The following PSG7 variants were observed in gnomAD, a reference collection of about 807,000 sequenced individuals.
PSG7 encodes the protein pregnancy specific beta-1-glycoprotein 7, also known as pregnancy-specific beta-1-glycoprotein 7.
In PSG7, 57 loss-of-function variants were observed where a neutral mutation model predicts 45.6. The ratio of observed to expected loss-of-function variants is 1.25; its 90% CI spans 1.01 to 1.56. PSG7 has a LOEUF of 1.56. PSG7 is among the 40% of genes most tolerant of loss of function. PSG7 has a pLI of 0.00. For synonymous variants in PSG7, 298 were observed against 194.4 expected (o/e 1.53, Z -4.43); for missense variants, 796 against 508.4 (o/e 1.57, Z -5.44).
chr19:42,928,380 T>G (rs7258821), intron 3 of PSG7, among the ~76,000 whole-genome samples: 24,156 of 151,448 alleles, frequency 0.16, 2,493 homozygotes, highest in African/African-American at 0.2. Flanking sequence ...GCGTAGTATT[T>G]TCTTTCTAAC....
In PSG7 at chr19:42,937,069, G is replaced by A. The variant is rs776879332; in HGVS notation, c.8C>T (p.Pro3Leu). The A allele has an allele frequency of 2.5e-6, 4 of 1,611,246 alleles. No individual in the cohort carries two copies. Among genetic ancestry groups the A allele is most frequent in the South Asian group, 1.1e-5 (1 of 90,768 alleles). Residue 3 changes from proline to leucine, a missense_variant, in exon 1 of 6, where the codon CCC becomes CTC. By Grantham distance (98) the Pro-to-Leu change is moderately conservative. Coordinates refer to ENST00000406070, the MANE Select transcript of PSG7 (RefSeq NM_002783.3). MG[P>L]LSAPPCTQHI... Reference sequence around the variant, plus strand: ...CTGTGTGCAGGGAGGGGCTGAGAGGGGCCCCATGGTCTCTGCTCCCTGCGT... The same window carrying A: ...CTGTGTGCAGGGAGGGGCTGAGAGGAGCCCCATGGTCTCTGCTCCCTGCGT...
intron 2 of PSG7, among the ~76,000 whole-genome samples, chr19:42,933,307 A>ATATATATATTTTTTTTTT (rs56691588): frequency 7.4e-5 from 1 of 13,502 alleles, no homozygotes; most frequent in African/African-American, 1.7e-4. Flanking sequence ...ATATATATAT[A>ATATATATATTTTTTTTTT]TTTTTTTTTT....
intron 2 of PSG7, among the ~76,000 whole-genome samples, chr19:42,930,081 C>G (rs777764082): frequency 2.6e-5 from 4 of 151,672 alleles, no homozygotes; most frequent in African/African-American, 4.8e-5. Flanking sequence ...GTGCTGGAAT[C>G]TTCTTAGTTT....
rs757114294 is a variant in PSG7 at position 42,926,442 on chromosome 19, G to A, written c.984C>T (p.Val328=). Residue 328 remains valine, a synonymous_variant, in exon 4 of 6, where the codon GTC becomes GTT. Coordinates refer to ENST00000406070, the MANE Select transcript of PSG7 (RefSeq NM_002783.3). The stretch of plus-strand genomic sequence containing the variant: ...AGGATACTCAAGGATACTCACAGAG[G>A]ACATTCAGGGTGACTGGGTCACTGC... ...GIRSDPVTLN[V]LYGPDLPRIY... 32 of 1,611,498 alleles carry A rather than the reference G, an allele frequency of 2.0e-5. 1 individual carries two copies. Among genetic ancestry groups the A allele is most frequent in the South Asian group, 4.4e-5 (4 of 90,594 alleles).
rs553151319 is a variant in PSG7, at chr19:42,925,581, T to C, written c.1243+192A>G. The C allele has an allele frequency of 4.4e-6, 6 of 1,365,704 alleles. No individual in the cohort carries two copies. In the East Asian group the frequency reaches 9.5e-5, roughly 22 times the overall value. 84.6% of individuals were successfully genotyped at this position (1,365,704 alleles called of 1,614,324 possible). The stretch of plus-strand genomic sequence containing the variant: ...TGCTTGGTCTAGGCTGGGAATGTTA[T>C]GAAGATATCAGCCTGTTTGTTAAAG... On this transcript the variant is annotated intron_variant, in intron 5 of 5. Coordinates refer to ENST00000406070, the MANE Select transcript of PSG7 (RefSeq NM_002783.3).
chr19:42,936,058 G>A (rs982131323), intron 1 of PSG7: 1 of 464,314 alleles, frequency 2.2e-6, no homozygotes, highest in East Asian at 4.6e-5. Context: ...TCTTCCCCAG[G>A]GGTCCGCACG....
intron 2 of PSG7, 144 bp from the exon 3 acceptor site, chr19:42,929,864 G>A (rs1972982365): frequency 7.6e-7 from 1 of 1,318,558 alleles, no homozygotes; most frequent in Non-Finnish European, 1.0e-6. Flanking sequence ...TTACAAGACA[G>A]ATGCATGGCA....
intron 3 of PSG7, among the ~76,000 whole-genome samples, chr19:42,928,660 C>G (rs1301184484): frequency 2.0e-5 from 3 of 151,300 alleles, no homozygotes; most frequent in African/African-American, 7.3e-5. Context: ...GGTTTTGGAG[C>G]AGAAATATAT....
In PSG7 at chr19:42,928,866, T is replaced by C. The variant is rs764645208; in HGVS notation, c.709+576A>G. 2.0e-5 allele frequency among the ~76,000 whole-genome samples: 3 copies of C among 151,508 alleles called. 1 individual carries two copies. The highest frequency in any genetic ancestry group is 1.3e-4 in the Admixed American group (2 of 15,166). On this transcript the variant is annotated intron_variant, in intron 3 of 5. Transcript: ENST00000406070. ...TGGATGAAAGAGACATAGACCCCTC[T>C]ATATGTTTTAGTGAATTGGGGTATA...
rs1600561524 is a variant in PSG7 at position 42,926,007 on chromosome 19, T to A, written c.1009A>T (p.Ile337Phe). ...TGGTAATAGGTGAATGAAGGGTAAA[T>A]TCTGGGGAGGTCTGGACCATCTGGA... ...NVLYGPDLPR[I>F]YPSFTYYHSG... The change falls in exon 5 of 6, where the codon ATT becomes TTT. Residue 337 changes from isoleucine (I) to phenylalanine (F), a missense_variant. By Grantham distance (21) the Ile-to-Phe change is conservative. Transcript: ENST00000406070. 3.1e-6 allele frequency: 5 copies of A among 1,611,972 alleles called. No homozygotes were observed. The East Asian group carries it at 1.1e-4, about 36-fold the overall frequency.
rs1389953160 is a variant in PSG7 at position 42,935,676 on chromosome 19, A to G, written c.158T>C (p.Leu53Pro). The G allele has an allele frequency of 6.2e-7, 1 of 1,612,190 alleles. No individual in the cohort carries two copies. Among genetic ancestry groups the G allele is most frequent in the Admixed American group, 1.7e-5 (1 of 59,820 alleles). Residue 53 changes from leucine (L) to proline (P), a missense_variant, in exon 2 of 6, where the codon CTA becomes CCA. Physicochemically the swap from Leu to Pro is moderately conservative, Grantham distance 98 (BLOSUM62 -3). Transcript: ENST00000406070. The part of the protein sequence containing the change: ...PKVSEGKDVL[L>P]LVHNLPQNLT... The stretch of plus-strand genomic sequence containing the variant: ...ATTCTGGGGCAAATTGTGGACAAGT[A>G]GAAGAACATCCTTCCCCTCGGAAAC...
In PSG7 at chr19:42,925,494, A is replaced by G. The variant is rs1972861148; in HGVS notation, c.1243+279T>C. On this transcript the variant is annotated intron_variant, in intron 5 of 5. Transcript: ENST00000406070. ...ATAAAGAATCAGCATATTTTCAAAT[A>G]AAAATCATAAAAACATTATCCTCAT... 1.0e-5 allele frequency: 9 copies of G among 897,336 alleles called. 1 individual carries two copies. The highest frequency in any genetic ancestry group is 9.6e-5 in the South Asian group (4 of 41,702). 55.6% of individuals were successfully genotyped at this position (897,336 alleles called of 1,614,324 possible).
chr19:42,933,299 A>ATTTTTTT (rs1235421771), intron 2 of PSG7, among the ~76,000 whole-genome samples: 9 of 14,638 alleles, frequency 6.1e-4, no homozygotes, highest in South Asian at 4.5e-3. Flanking sequence ...ATATATATAT[A>ATTTTTTT]TATATATATT....
Position 42,926,603 on chromosome 19 carries a change from G to A in PSG7, c.823C>T (p.Leu275=), listed in dbSNP as rs1332419997. Residue 275 remains leucine (L), a synonymous_variant, in exon 4 of 6, where the codon CTA becomes TTA. Coordinates refer to ENST00000406070, the MANE Select transcript of PSG7 (RefSeq NM_002783.3). ...KSENYTYIWW[L]NGQSLPVSPR... ...CTGACCGGGAGGCTCTGACCATTTA[G>A]CCACCAAATGTAGGTGTAGTTCTCA... is the stretch of plus-strand genomic sequence containing the variant. 1.2e-6 allele frequency: 2 copies of A among 1,610,284 alleles called. No homozygotes were observed. The highest frequency in any genetic ancestry group is 1.7e-6 in the Non-Finnish European group (2 of 1,179,046).
intron 4 of PSG7, 151 bp from the exon 5 acceptor site, chr19:42,926,178 G>T (rs1276173145): frequency 4.3e-5 from 62 of 1,426,252 alleles, no homozygotes; most frequent in Non-Finnish European, 5.4e-5. Context: ...GAAGCCTGAG[G>T]TATTCACCTG....
At chr19:42,929,993 G>A (rs1434375180) in intron 2 of PSG7, among the ~76,000 whole-genome samples, 1 of 151,622 alleles carries the variant, frequency 6.6e-6, no homozygotes. Context: ...AGCAGTCACA[G>A]CTTCTGGTGC....
rs1298446703 is a variant in PSG7, at chr19:42,929,456, G to A, written c.695C>T (p.Thr232Ile). The stretch of plus-strand genomic sequence containing the variant: ...AAGATACTCACGGAGGAGATTCAGG[G>A]TGACTGGGTCACTGCGGCTGGCACT... The part of the protein sequence containing the change: ...PVSASRSDPV[T>I]LNLLPKLPKP... The change falls in exon 3 of 6, where the codon ACC becomes ATC. Residue 232 changes from threonine to isoleucine, a missense_variant. Physicochemically the swap from Thr to Ile is moderately conservative, Grantham distance 89 (BLOSUM62 -1). Transcript: ENST00000406070. 1.3e-5 allele frequency: 21 copies of A among 1,612,530 alleles called. No homozygotes were observed. The highest frequency in any genetic ancestry group is 3.3e-5 in the Admixed American group (2 of 59,922).
chr19:42,934,265 G>A (rs1212135924), intron 2 of PSG7, among the ~76,000 whole-genome samples: 1 of 151,390 alleles, frequency 6.6e-6, no homozygotes, highest in African/African-American at 2.4e-5. Context: ...GTTCTGGAGT[G>A]CAGACTAATC....
chr19:42,935,863 C>A, intron 1 of PSG7, 94 bp from the exon 2 acceptor site: 2 of 1,402,890 alleles, frequency 1.4e-6, no homozygotes, highest in South Asian at 2.8e-5. Flanking sequence ...CTTCAATCCT[C>A]AGCCTTGAAG....
Sources: allele counts gnomAD v4.1 joint callset (sites outside exome capture counted in the v4.1 genomes callset), GRCh38; gene constraint gnomAD v4.1.1; transcripts MANE v1.5; gene names NCBI Gene and HGNC (gene_info 2026-07-23, HGNC 2026-07-21).